The following PIRT variants were observed in gnomAD, a reference collection of about 807,000 sequenced individuals.
PIRT encodes phosphoinositide-interacting protein.
PIRT carries 6 observed loss-of-function variants against 7.9 expected under a neutral mutation model. That is an observed-to-expected ratio of 0.76 (90% CI 0.42 to 1.51). The LOEUF (loss-of-function observed/expected upper bound fraction) is 1.51, where lower values mean the gene tolerates loss of function less well. Among genes scored for constraint, PIRT ranks in the 40% most tolerant of loss-of-function variants. The pLI is 0.01. For synonymous variants in PIRT, 78 were observed against 71.8 expected (o/e 1.09, Z -0.44); for missense variants, 170 against 172.9 (o/e 0.98, Z 0.09).
chr17:10,835,168 T>C (rs1319114225), intron 1 of PIRT, among the ~76,000 whole-genome samples: 1 of 152,146 alleles, frequency 6.6e-6, no homozygotes, highest in Non-Finnish European at 1.5e-5. Context: ...TGGCCGAAGT[T>C]CCTACAAAAA....
chr17:10,826,219 C>T (rs1905310680), intron 1 of PIRT, among the ~76,000 whole-genome samples: 1 of 152,202 alleles, frequency 6.6e-6, no homozygotes. Flanking sequence ...CTGCCTCGGC[C>T]TCCCAAAGTG....
intron 1 of PIRT, among the ~76,000 whole-genome samples, chr17:10,831,606 A>G (rs1905463962): frequency 6.6e-6 from 1 of 152,122 alleles, no homozygotes; most frequent in Non-Finnish European, 1.5e-5. Context: ...GAAAGACCCA[A>G]CCCCACTAAC....
At chr17:10,834,843 G>C (rs1164900762) in intron 1 of PIRT, among the ~76,000 whole-genome samples, 2 of 151,504 alleles carry the variant, frequency 1.3e-5, no homozygotes, top group African/African-American at 4.8e-5. Context: ...GCCTGCCTTG[G>C]CCTCCCAAAG....
chr17:10,827,867 T>G (rs1905371126), intron 1 of PIRT, among the ~76,000 whole-genome samples: 1 of 152,164 alleles, frequency 6.6e-6, no homozygotes, highest in Admixed American at 6.5e-5. Flanking sequence ...AAATGACTGA[T>G]ATTAGGTACT....
At chr17:10,834,912 T>A (rs373759908) in intron 1 of PIRT, among the ~76,000 whole-genome samples, 18 of 147,664 alleles carry the variant, frequency 1.2e-4, no homozygotes, top group African/African-American at 3.9e-4. Context: ...TTTTTTTTTT[T>A]AACTACAGAA....
At chr17:10,825,847 A>T in intron 1 of PIRT, 64 bp from the exon 2 acceptor site, 1 of 440,532 alleles carries the variant, frequency 2.3e-6, no homozygotes, top group East Asian at 3.6e-5. Context: ...AGCTGGTATA[A>T]TTTTTTTTTC....
intron 1 of PIRT, among the ~76,000 whole-genome samples, chr17:10,834,303 A>C (rs1001989012): frequency 6.6e-6 from 1 of 152,246 alleles, no homozygotes; most frequent in African/African-American, 2.4e-5. Flanking sequence ...CTAACTTCTG[A>C]AGCGCACAAC....
At position 10,825,662 on chromosome 17, in the gene PIRT, G is replaced by A. The variant is rs1905297633; in HGVS notation, c.-17C>T. On this transcript the variant is annotated 5_prime_UTR_variant, in exon 2 of 2. Coordinates refer to ENST00000580256, the MANE Select transcript of PIRT (RefSeq NM_001101387.2). ...CATCGTCATGGTTGCTCAGGACTGGGCGCCTAGGACCAGCAATAGTTGGAA... is the reference window on the plus strand; with the variant it reads ...CATCGTCATGGTTGCTCAGGACTGGACGCCTAGGACCAGCAATAGTTGGAA... 2.7e-6 allele frequency: 4 copies of A among 1,458,400 alleles called. No homozygotes were observed. The highest frequency in any genetic ancestry group is 3.6e-6 in the Non-Finnish European group (4 of 1,103,340). The allele number at this position is 1,458,400 out of a possible 1,614,324, so 90.3% of individuals were successfully genotyped here.
intron 1 of PIRT, among the ~76,000 whole-genome samples, chr17:10,827,454 C>CTTTTTTT (rs1567615893): frequency 1.1e-5 from 1 of 90,428 alleles, no homozygotes; most frequent in African/African-American, 4.7e-5. Context: ...TCTTTTCTTT[C>CTTTTTTT]TTTTTCTTTT....
Position 10,825,239 on chromosome 17 carries a change from G to A in PIRT, c.407C>T (p.Thr136Ile), listed in dbSNP as rs779914026. 1.2e-6 allele frequency: 2 copies of A among 1,613,506 alleles called. No homozygotes were observed. Among genetic ancestry groups the A allele is most frequent in the Non-Finnish European group, 1.7e-6 (2 of 1,179,488 alleles). Residue 136 changes from threonine to isoleucine, a missense_variant, in exon 2 of 2, where the codon ACT becomes ATT. Thr to Ile is a moderately conservative substitution (Grantham distance 89). Coordinates refer to ENST00000580256, the MANE Select transcript of PIRT (RefSeq NM_001101387.2). ...GAGATGCGGAAACCACCATCAGCGA[G>A]TCAGGAAGAAGGACTTGAGGCTGCG... ...FLRSLKSFFL[T>I]R
chr17:10,830,853 C>T lies in PIRT; in HGVS notation c.-138-5070G>A, dbSNP rs142344464. Among the ~76,000 whole-genome samples the T allele has an allele frequency of 3.6e-3, 554 of 152,228 alleles. 4 individuals are homozygous for T. Among genetic ancestry groups the T allele is most frequent in the African/African-American group, 0.013 (541 of 41,534 alleles). On this transcript the variant is annotated intron_variant, in intron 1 of 1. Coordinates refer to ENST00000580256, the MANE Select transcript of PIRT (RefSeq NM_001101387.2). ...TTGGAAAATGGATTGCTGTGGCAGA[C>T]TATAGGATTGTAGGATGTTTGTATT...
intron 1 of PIRT, among the ~76,000 whole-genome samples, chr17:10,831,341 T>A (rs1373607489): frequency 6.6e-6 from 1 of 152,208 alleles, no homozygotes; most frequent in Admixed American, 6.5e-5. Flanking sequence ...GAATGTGACC[T>A]TATTTGGAAT....
chr17:10,829,185 T>C lies in PIRT; in HGVS notation c.-138-3402A>G, dbSNP rs559192828. Among the ~76,000 whole-genome samples the C allele has an allele frequency of 9.2e-5, 14 of 152,282 alleles. No homozygotes were observed. The East Asian group carries it at 2.7e-3, about 29-fold the overall frequency. On this transcript the variant is annotated intron_variant, in intron 1 of 1. Transcript: ENST00000580256. ...TTTCTCAGTAGTCATTTCGATCCCG[T>C]TTCCGTGAAGACATGGGGCGATATG...
Position 10,825,645 on chromosome 17 carries a change from TGGTTGCTCA to T in PIRT, c.-9_-1del, listed in dbSNP as rs914030310. On this transcript the variant is annotated 5_prime_UTR_variant, in exon 2 of 2. Transcript: ENST00000580256. The stretch of plus-strand genomic sequence containing the variant: ...ACCTTGGGGAGAGTCTCCATCGTCA[TGGTTGCTCA>T]GGACTGGGCGCCTAGGACCAGCAAT... The T allele has an allele frequency of 1.7e-5, 25 of 1,474,840 alleles. No individual in the cohort carries two copies. In the African/African-American group the frequency reaches 3.5e-4, roughly 21 times the overall value. 91.4% of individuals were successfully genotyped at this position (1,474,840 alleles called of 1,614,324 possible).
In PIRT at chr17:10,825,689, CAA is replaced by C. The variant is rs1212295974; in HGVS notation, c.-46_-45del. On this transcript the variant is annotated 5_prime_UTR_variant, in exon 2 of 2. It removes the in-frame stop codon of an upstream open reading frame in the 5' UTR. Transcript: ENST00000580256. ...GCCTAGGACCAGCAATAGTTGGAAACAAGAGTGGAGCCAAAGGAATCCTCACA... is the reference window on the plus strand; with the variant it reads ...GCCTAGGACCAGCAATAGTTGGAAACGAGTGGAGCCAAAGGAATCCTCACA... The C allele has an allele frequency of 2.7e-5, 39 of 1,447,074 alleles. No homozygotes were observed. The highest frequency in any genetic ancestry group is 5.7e-5 in the Admixed American group (2 of 35,064). The allele number at this position is 1,447,074 out of a possible 1,614,324, so 89.6% of individuals were successfully genotyped here. A position where few individuals can be genotyped will look rare whatever the true frequency, so the allele number is the denominator to read the frequency against.
At chr17:10,832,863 A>C (rs563020284) in intron 1 of PIRT, among the ~76,000 whole-genome samples, 2 of 152,294 alleles carry the variant, frequency 1.3e-5, no homozygotes, top group African/African-American at 4.8e-5. Context: ...AGGTCAAATC[A>C]ACTGCATAGA....
At chr17:10,837,143 C>T (rs1905611292) in intron 1 of PIRT, among the ~76,000 whole-genome samples, 1 of 152,192 alleles carries the variant, frequency 6.6e-6, no homozygotes, top group African/African-American at 2.4e-5. Context: ...GGGAAGTTTC[C>T]CAAAGGTCAC....
rs185252330 is a variant in PIRT at position 10,827,873 on chromosome 17, G to A, written c.-138-2090C>T. On this transcript the variant is annotated intron_variant, in intron 1 of 1. Coordinates refer to ENST00000580256, the MANE Select transcript of PIRT (RefSeq NM_001101387.2). ...ATAAGATGTAAATGACTGATATTAG[G>A]TACTTTCCTGAGGATAGGTTCTGTT... Among the ~76,000 whole-genome samples, 538 of 152,274 alleles carry A rather than the reference G, an allele frequency of 3.5e-3. 3 individuals are homozygous for A. The highest frequency in any genetic ancestry group is 0.011 in the African/African-American group (476 of 41,546).
Position 10,827,465 on chromosome 17 carries a change from C to CTTTTT in PIRT, c.-138-1687_-138-1683dup, listed in dbSNP as rs546105685. Among the ~76,000 whole-genome samples the CTTTTT allele has an allele frequency of 7.7e-3, 433 of 56,266 alleles. 5 individuals carry two copies. The highest frequency in any genetic ancestry group is 9.5e-3 in the Non-Finnish European group (300 of 31,608). 36.9% of individuals were successfully genotyped at this position (56,266 alleles called of 152,430 possible). ...TCTTTCTTTTCTTTCTTTTTCTTTT[C>CTTTTT]TTTTTTTTTTTTTTTTTTTTTTTTT... On this transcript the variant is annotated intron_variant, in intron 1 of 1. Coordinates refer to ENST00000580256, the MANE Select transcript of PIRT (RefSeq NM_001101387.2).
Sources: allele counts gnomAD v4.1 joint callset (sites outside exome capture counted in the v4.1 genomes callset), GRCh38; gene constraint gnomAD v4.1.1; transcripts MANE v1.5; gene names NCBI Gene and HGNC (gene_info 2026-07-23, HGNC 2026-07-21).